The following DAB1 variants were observed in gnomAD, a reference collection of about 807,000 sequenced individuals.
DAB1 encodes the protein DAB adaptor protein 1.
DAB1 carries 15 observed loss-of-function variants against 64.6 expected under a neutral mutation model. That is an observed-to-expected ratio of 0.23 (90% CI 0.16 to 0.36). DAB1 has a LOEUF of 0.36. Ranked by LOEUF, DAB1 falls within the 10% of genes least tolerant of loss-of-function variation. The pLI is 1.00. For synonymous variants in DAB1, 235 were observed against 251.9 expected (o/e 0.93, Z 0.64); for missense variants, 596 against 706.7 (o/e 0.84, Z 1.78).
upstream of DAB1, among the ~76,000 whole-genome samples, chr1:57,427,872 A>T (rs138769489): frequency 3.2e-3 from 484 of 152,302 alleles, no homozygotes; most frequent in Middle Eastern, 0.014. Context: ...AACAGTTAAG[A>T]TCTACGCTCT....
intron 5 of DAB1, among the ~76,000 whole-genome samples, chr1:57,945,930 C>A (rs1186339479): frequency 6.6e-6 from 1 of 152,178 alleles, no homozygotes; most frequent in Non-Finnish European, 1.5e-5. Context: ...ATCAGTAAAA[C>A]CTGGTTGGTG....
chr1:58,343,808 A>G (rs1284783063), intron 3 of DAB1, among the ~76,000 whole-genome samples: 1 of 152,328 alleles, frequency 6.6e-6, no homozygotes, highest in South Asian at 2.1e-4. Context: ...TAATGATATG[A>G]AATGCTTTGT....
intron 4 of DAB1, among the ~76,000 whole-genome samples, chr1:58,304,219 A>G (rs1662247258): frequency 6.6e-6 from 1 of 152,156 alleles, no homozygotes; most frequent in Non-Finnish European, 1.5e-5. Flanking sequence ...GTAGCTTTGA[A>G]AGCCATCGTT....
intron 2 of DAB1, among the ~76,000 whole-genome samples, chr1:58,514,514 C>A (rs1279309915): frequency 6.6e-6 from 1 of 152,134 alleles, no homozygotes; most frequent in Non-Finnish European, 1.5e-5. Context: ...CCATCACCCC[C>A]TTCCAAAGGT....
chr1:58,285,800 A>G (rs953237777), intron 4 of DAB1, among the ~76,000 whole-genome samples: 2 of 152,340 alleles, frequency 1.3e-5, no homozygotes, highest in Admixed American at 1.3e-4. Flanking sequence ...TTCTTCACAG[A>G]ATTAGAAAAA....
intron 2 of DAB1, among the ~76,000 whole-genome samples, chr1:57,260,235 C>G (rs763047264): frequency 6.6e-6 from 1 of 152,144 alleles, no homozygotes; most frequent in African/African-American, 2.4e-5. Context: ...GTATCCTTCA[C>G]GATGATCATA....
At chr1:57,913,776 C>T (rs151273126) in intron 5 of DAB1, among the ~76,000 whole-genome samples, 29,105 of 151,786 alleles carry the variant, frequency 0.19, 3,188 homozygotes, top group Admixed American at 0.27. Context: ...CATCAACAAG[C>T]GGGTGAAGGA....
At chr1:57,487,287 G>T (rs1644104515) in intron 7 of DAB1, among the ~76,000 whole-genome samples, 1 of 152,208 alleles carries the variant, frequency 6.6e-6, no homozygotes, top group Admixed American at 6.5e-5. Flanking sequence ...GCTTTTGGTG[G>T]TCTTCCTGGC....
chr1:58,229,343 G>T (rs952451839), intron 4 of DAB1, among the ~76,000 whole-genome samples: 1 of 152,170 alleles, frequency 6.6e-6, no homozygotes, highest in East Asian at 1.9e-4. Flanking sequence ...AAATAGGTAC[G>T]AGTAAAGGCA....
At chr1:58,134,334 T>C (rs1384941521) in intron 5 of DAB1, among the ~76,000 whole-genome samples, 2 of 152,128 alleles carry the variant, frequency 1.3e-5, no homozygotes, top group Non-Finnish European at 2.9e-5. Flanking sequence ...AGGCAGCTAT[T>C]TGAAGTTTCT....
chr1:57,823,994 T>G (rs1207277585), downstream of DAB1, among the ~76,000 whole-genome samples: 1 of 152,188 alleles, frequency 6.6e-6, no homozygotes, highest in African/African-American at 2.4e-5. Flanking sequence ...TTGAGAAGGA[T>G]AGTAAGTGTA....
intron 4 of DAB1, among the ~76,000 whole-genome samples, chr1:58,318,802 G>T (rs1453876473): frequency 6.6e-6 from 1 of 152,172 alleles, no homozygotes; most frequent in African/African-American, 2.4e-5. Flanking sequence ...AAAGCAGGAA[G>T]AATGCATTTT....
chr1:57,796,986 CACA>C (rs1443403365), intron 6 of DAB1, among the ~76,000 whole-genome samples: 1 of 152,194 alleles, frequency 6.6e-6, no homozygotes. Context: ...CTCTCTGCTT[CACA>C]ACATTATGCC....
At chr1:57,276,440 A>G (rs1047021559) in intron 2 of DAB1, among the ~76,000 whole-genome samples, 1 of 152,252 alleles carries the variant, frequency 6.6e-6, no homozygotes, top group Non-Finnish European at 1.5e-5. Flanking sequence ...CCAATGAATT[A>G]CCTATTTAAC....
intron 7 of DAB1, among the ~76,000 whole-genome samples, chr1:57,562,391 A>T (rs1407085188): frequency 2.0e-5 from 3 of 152,096 alleles, no homozygotes; most frequent in Non-Finnish European, 4.4e-5. Flanking sequence ...CAAAAACAAA[A>T]CAAAACTGTG....
At chr1:57,168,189 C>T (rs569445298) in intron 2 of DAB1, among the ~76,000 whole-genome samples, 23 of 152,278 alleles carry the variant, frequency 1.5e-4, no homozygotes, top group Admixed American at 3.3e-4. Flanking sequence ...TGTATTCTTA[C>T]GTCATTCCAT....
intron 6 of DAB1, among the ~76,000 whole-genome samples, chr1:57,724,622 C>A (rs976940071): frequency 1.3e-5 from 2 of 152,150 alleles, no homozygotes; most frequent in Non-Finnish European, 2.9e-5. Flanking sequence ...AATTGCACAG[C>A]CTTTGGTCAT....
chr1:57,603,378 T>C (rs1645598368), intron 7 of DAB1, among the ~76,000 whole-genome samples: 1 of 152,200 alleles, frequency 6.6e-6, no homozygotes, highest in Non-Finnish European at 1.5e-5. Context: ...TTTATTTTCC[T>C]ATAGCCCGGA....
intron 7 of DAB1, among the ~76,000 whole-genome samples, chr1:57,512,116 T>G (rs1216491532): frequency 1.3e-5 from 2 of 152,132 alleles, no homozygotes; most frequent in Admixed American, 1.3e-4. Context: ...TGTCAGAAAA[T>G]AAGATGAAAC....
Sources: gnomAD v4.1 joint callset for allele counts (sites outside exome capture counted in the v4.1 genomes callset) on GRCh38, gnomAD v4.1.1 for gene constraint, MANE v1.5 for transcripts, NCBI Gene and HGNC (gene_info 2026-07-23, HGNC 2026-07-21) for gene names.